The following CDH13 variants were observed in gnomAD, a reference collection of about 807,000 sequenced individuals.
CDH13 encodes cadherin-13.
A neutral mutation model predicts 63.8 loss-of-function variants in CDH13; 24 were observed. The ratio of observed to expected loss-of-function variants is 0.38; its 90% CI spans 0.27 to 0.53. The LOEUF is 0.53. CDH13 is among the 20% of genes least tolerant of loss of function. The pLI, the probability that CDH13 is intolerant of heterozygous loss-of-function variation, is 0.85. For missense variants in CDH13, 1,049 were observed against 903.1 expected, an observed-to-expected ratio of 1.16 and a Z score of -2.07; for synonymous variants, 503 against 355.3, an observed-to-expected ratio of 1.42 and a Z score of -4.67.
intron 3 of CDH13, among the ~76,000 whole-genome samples, chr16:83,103,603 G>A (rs890499244): frequency 6.6e-6 from 1 of 152,182 alleles, no homozygotes; most frequent in African/African-American, 2.4e-5. Context: ...TAGAGTGGGT[G>A]ATGGTCCAGG....
At chr16:83,653,005 G>C (rs943502323) in intron 8 of CDH13, among the ~76,000 whole-genome samples, 11 of 152,186 alleles carry the variant, frequency 7.2e-5, no homozygotes, top group Admixed American at 2.0e-4. Context: ...CTACAGTGTG[G>C]ATGAACCGTG....
At chr16:83,537,747 A>G (rs1014796047) in intron 7 of CDH13, among the ~76,000 whole-genome samples, 1 of 152,208 alleles carries the variant, frequency 6.6e-6, no homozygotes, top group Non-Finnish European at 1.5e-5. Context: ...CTTGAATTTG[A>G]GAATATCACA....
intron 10 of CDH13, among the ~76,000 whole-genome samples, chr16:83,736,090 A>T (rs975356453): frequency 2.0e-5 from 3 of 152,128 alleles, no homozygotes; most frequent in Non-Finnish European, 4.4e-5. Flanking sequence ...AAGCCACCCA[A>T]TCTGGATACA....
At chr16:83,480,250 A>G (rs924230717) in intron 6 of CDH13, among the ~76,000 whole-genome samples, 12 of 152,212 alleles carry the variant, frequency 7.9e-5, no homozygotes, top group African/African-American at 2.7e-4. Context: ...TGGGAGGTCA[A>G]GGCTGCAGTG....
At chr16:82,987,990 A>G (rs1911167393) in intron 2 of CDH13, among the ~76,000 whole-genome samples, 1 of 152,158 alleles carries the variant, frequency 6.6e-6, no homozygotes, top group Non-Finnish European at 1.5e-5. Flanking sequence ...AGCTGGCTGG[A>G]ACACTACCCT....
At chr16:83,770,664 C>A (rs981352283) in intron 11 of CDH13, among the ~76,000 whole-genome samples, 3 of 152,168 alleles carry the variant, frequency 2.0e-5, no homozygotes, top group Non-Finnish European at 4.4e-5. Context: ...ATTATTCATG[C>A]CTCCCCTTTT....
chr16:83,772,223 A>C (rs898886137), intron 11 of CDH13, among the ~76,000 whole-genome samples: 19 of 133,066 alleles, frequency 1.4e-4, no homozygotes, highest in African/African-American at 4.9e-4. Flanking sequence ...TCAGGAATGG[A>C]GAAATGAAGA....
intron 6 of CDH13, among the ~76,000 whole-genome samples, chr16:83,440,312 A>G (rs2072443922): frequency 6.6e-6 from 1 of 152,170 alleles, no homozygotes. Flanking sequence ...ACTGACCAGG[A>G]CAGATGAAGT....
chr16:83,236,165 A>G (rs1333761549), intron 5 of CDH13, among the ~76,000 whole-genome samples: 1 of 152,094 alleles, frequency 6.6e-6, no homozygotes, highest in East Asian at 1.9e-4. Context: ...ATATTAATAT[A>G]GAATAACTTT....
chr16:83,663,056 A>G (rs1032315672), intron 8 of CDH13, among the ~76,000 whole-genome samples: 3 of 152,202 alleles, frequency 2.0e-5, no homozygotes, highest in African/African-American at 7.2e-5. Context: ...CCTTATCCAA[A>G]TGACAAAAAA....
At chr16:83,781,973 A>G (rs905305746) in intron 12 of CDH13, among the ~76,000 whole-genome samples, 1 of 152,054 alleles carries the variant, frequency 6.6e-6, no homozygotes, top group Admixed American at 6.6e-5. Flanking sequence ...TCCTCTACTA[A>G]AGGAAGATGG....
chr16:82,779,970 C>A (rs1371688577), intron 1 of CDH13, among the ~76,000 whole-genome samples: 1 of 152,118 alleles, frequency 6.6e-6, no homozygotes, highest in East Asian at 1.9e-4. Flanking sequence ...TTGACAGGCG[C>A]ACTTTAGGGG....
At chr16:83,389,085 C>G (rs1185164277) in intron 6 of CDH13, among the ~76,000 whole-genome samples, 1 of 152,148 alleles carries the variant, frequency 6.6e-6, no homozygotes, top group Middle Eastern at 3.2e-3. Context: ...GATTCTAAGA[C>G]AATGGTCAAT....
At chr16:82,900,627 T>G (rs770274576) in intron 2 of CDH13, among the ~76,000 whole-genome samples, 1 of 151,970 alleles carries the variant, frequency 6.6e-6, no homozygotes, top group African/African-American at 2.4e-5. Flanking sequence ...AGGAAGTGAT[T>G]GAAGATGAGA....
intron 2 of CDH13, among the ~76,000 whole-genome samples, chr16:83,002,715 A>G (rs1913068912): frequency 6.6e-6 from 1 of 152,168 alleles, no homozygotes. Context: ...GAAAGATGCT[A>G]CTGAGAAGGG....
At chr16:82,812,624 AC>A (rs1228986478) in intron 1 of CDH13, among the ~76,000 whole-genome samples, 1 of 152,154 alleles carries the variant, frequency 6.6e-6, no homozygotes, top group Admixed American at 6.5e-5. Context: ...TTAATTTTAC[AC>A]AGGCTGTGTT....
intron 1 of CDH13, among the ~76,000 whole-genome samples, chr16:82,672,675 T>G (rs757875849): frequency 3.9e-5 from 6 of 151,960 alleles, no homozygotes; most frequent in Non-Finnish European, 8.8e-5. Context: ...AATTCCATTC[T>G]CCTCACTGAT....
intron 2 of CDH13, among the ~76,000 whole-genome samples, chr16:82,892,114 A>G (rs978144661): frequency 1.3e-5 from 2 of 152,026 alleles, no homozygotes; most frequent in Non-Finnish European, 2.9e-5. Context: ...ATGAGCTCAT[A>G]GCCTTGGGCA....
At chr16:83,645,596 A>C (rs7185772) in intron 8 of CDH13, among the ~76,000 whole-genome samples, 151,483 of 151,984 alleles carry the variant, frequency 1, 75,493 homozygotes, top group Middle Eastern at 1. Flanking sequence ...GAACACCCCC[A>C]ACCTCCCGCA....
Sources: allele counts gnomAD v4.1 joint callset (sites outside exome capture counted in the v4.1 genomes callset), GRCh38; gene constraint gnomAD v4.1.1; transcripts MANE v1.5; gene names NCBI Gene and HGNC (gene_info 2026-07-23, HGNC 2026-07-21).